SCMH1: variants seen among roughly 807,000 people sequenced by gnomAD.
SCMH1 encodes polycomb protein SCMH1.
In SCMH1, 37 loss-of-function variants were observed where a neutral mutation model predicts 70.8. That is an observed-to-expected ratio of 0.52 (90% CI 0.40 to 0.69). The LOEUF (loss-of-function observed/expected upper bound fraction) is 0.69. Ranked by LOEUF, SCMH1 falls within the 30% of genes least tolerant of loss-of-function variation. The pLI is 0.00. For missense variants in SCMH1, 607 were observed against 827.3 expected (o/e 0.73, Z 3.27); for synonymous variants, 292 against 307.4 (o/e 0.95, Z 0.52).
chr1:41,190,575 C>A (rs1557779936), intron 1 of SCMH1, among the ~76,000 whole-genome samples: 1 of 152,204 alleles, frequency 6.6e-6, no homozygotes, highest in South Asian at 2.1e-4. Context: ...ACTGGGTAAC[C>A]TTTAAAGTTC....
chr1:41,203,891 G>T (rs554982398), intron 1 of SCMH1, among the ~76,000 whole-genome samples: 1 of 152,160 alleles, frequency 6.6e-6, no homozygotes, highest in East Asian at 1.9e-4. Context: ...GTAAATCTCT[G>T]TTCGGGGCTC....
intron 8 of SCMH1, among the ~76,000 whole-genome samples, chr1:41,102,588 C>T (rs916737840): frequency 6.6e-6 from 1 of 152,204 alleles, no homozygotes; most frequent in Non-Finnish European, 1.5e-5. Context: ...TTCCTGGGGA[C>T]TTCAGGCTGA....
At chr1:41,100,497 C>T (rs2149090724) in intron 8 of SCMH1, among the ~76,000 whole-genome samples, 1 of 151,636 alleles carries the variant, frequency 6.6e-6, no homozygotes, top group South Asian at 2.1e-4. Flanking sequence ...TTACAGAATA[C>T]AAAAATATAA....
intron 8 of SCMH1, among the ~76,000 whole-genome samples, chr1:41,085,135 TAAATA>T (rs1000037567): frequency 4.0e-5 from 6 of 149,284 alleles, no homozygotes; most frequent in Non-Finnish European, 8.9e-5. Context: ...ATAATAATAA[TAAATA>T]AAATAAAATA....
chr1:41,078,468 C>G (rs1659031694), intron 8 of SCMH1, among the ~76,000 whole-genome samples: 2 of 151,922 alleles, frequency 1.3e-5, no homozygotes, highest in African/African-American at 2.4e-5. Context: ...TGTCAAACTG[C>G]TGAAAATACA....
chr1:41,161,538 C>A, intron 2 of SCMH1, 106 bp from the exon 3 acceptor site: 1 of 1,244,846 alleles, frequency 8.0e-7, no homozygotes, highest in South Asian at 1.9e-5. Flanking sequence ...AATCCACTTC[C>A]GAGATTCTAT....
chr1:41,102,892 G>A (rs1387614635), intron 8 of SCMH1, among the ~76,000 whole-genome samples: 1 of 152,056 alleles, frequency 6.6e-6, no homozygotes, highest in Non-Finnish European at 1.5e-5. Context: ...GCTTTCCTTA[G>A]CACAAGACAA....
intron 9 of SCMH1, among the ~76,000 whole-genome samples, chr1:41,072,787 G>A (rs1026633323): frequency 6.6e-6 from 1 of 152,106 alleles, no homozygotes; most frequent in Admixed American, 6.5e-5. Context: ...GATCGCTTGA[G>A]CCCAGGAGGT....
intron 13 of SCMH1, among the ~76,000 whole-genome samples, chr1:41,032,439 G>C (rs1644657653): frequency 6.6e-6 from 1 of 152,176 alleles, no homozygotes; most frequent in South Asian, 2.1e-4. Flanking sequence ...TCAGAACAAA[G>C]TGAATGAGGG....
At chr1:41,239,478 T>C (rs545659763) in intron 1 of SCMH1, among the ~76,000 whole-genome samples, 1 of 152,360 alleles carries the variant, frequency 6.6e-6, no homozygotes, top group South Asian at 2.1e-4. Context: ...ATCTCAGCTA[T>C]GCGTAGTTCT....
intron 10 of SCMH1, among the ~76,000 whole-genome samples, chr1:41,067,480 A>C (rs79451885): frequency 6.7e-6 from 1 of 149,386 alleles, no homozygotes; most frequent in African/African-American, 2.5e-5. Flanking sequence ...AAAAAAAAAA[A>C]AGAGCTATCA....
chr1:41,119,000 T>C (rs900578299), intron 6 of SCMH1, among the ~76,000 whole-genome samples: 5 of 152,224 alleles, frequency 3.3e-5, no homozygotes, highest in Non-Finnish European at 7.3e-5. Flanking sequence ...AGGTAGATAT[T>C]ATCTTCATTT....
rs908242705 is a variant in SCMH1 at position 41,091,568 on chromosome 1, T to A, written c.746-16117A>T. 2.0e-5 allele frequency among the ~76,000 whole-genome samples: 3 copies of A among 152,168 alleles called. No individual in the cohort carries two copies. The East Asian group carries it at 5.8e-4, about 29-fold the overall frequency. On this transcript the variant is annotated intron_variant, in intron 8 of 14. Transcript: ENST00000337495. ...GGCAAGAGAAAGAAATAAAGGGTATTCAATTAGGAAAAGAGGAAGTCAAAT... is the reference window on the plus strand; with the variant it reads ...GGCAAGAGAAAGAAATAAAGGGTATACAATTAGGAAAAGAGGAAGTCAAAT...
At chr1:41,064,987 G>C (rs1654077579) in intron 10 of SCMH1, among the ~76,000 whole-genome samples, 1 of 152,066 alleles carries the variant, frequency 6.6e-6, no homozygotes, top group Non-Finnish European at 1.5e-5. Flanking sequence ...CTGGGTATAA[G>C]TTAAACAAAA....
At chr1:41,181,284 A>C (rs878909100) in intron 2 of SCMH1, among the ~76,000 whole-genome samples, 1 of 152,236 alleles carries the variant, frequency 6.6e-6, no homozygotes, top group Non-Finnish European at 1.5e-5. Flanking sequence ...GGACACAGGC[A>C]TGGGCTAGGA....
At chr1:41,190,865 G>A (rs1572950228) in intron 1 of SCMH1, among the ~76,000 whole-genome samples, 1 of 151,998 alleles carries the variant, frequency 6.6e-6, no homozygotes, top group East Asian at 1.9e-4. Context: ...ACATACCTAA[G>A]GTATCTTTTA....
At chr1:41,196,470 C>T (rs1653043816) in intron 1 of SCMH1, among the ~76,000 whole-genome samples, 2 of 152,072 alleles carry the variant, frequency 1.3e-5, no homozygotes, top group African/African-American at 4.8e-5. Context: ...ACAAACAGGT[C>T]TGGGAAAACT....
intron 8 of SCMH1, among the ~76,000 whole-genome samples, chr1:41,096,652 T>C (rs576711706): frequency 6.6e-6 from 1 of 152,326 alleles, no homozygotes; most frequent in Non-Finnish European, 1.5e-5. Context: ...ATGATACTCT[T>C]GACCCTAATT....
intron 1 of SCMH1, among the ~76,000 whole-genome samples, chr1:41,233,060 T>C (rs1661622841): frequency 6.6e-6 from 1 of 152,188 alleles, no homozygotes. Context: ...CTTTACTGAA[T>C]AAATGACCTA....
Sources: gnomAD v4.1 joint callset for allele counts (sites outside exome capture counted in the v4.1 genomes callset) on GRCh38, gnomAD v4.1.1 for gene constraint, MANE v1.5 for transcripts, NCBI Gene and HGNC (gene_info 2026-07-23, HGNC 2026-07-21) for gene names.